The following PCBD2 variants were observed in gnomAD, a reference collection of about 807,000 sequenced individuals.
PCBD2 encodes pterin-4 alpha-carbinolamine dehydratase 2.
A neutral mutation model predicts 16.4 loss-of-function variants in PCBD2; 12 were observed. The ratio of observed to expected loss-of-function variants is 0.73; its 90% confidence interval spans 0.47 to 1.19. The LOEUF is 1.19. Among genes scored for constraint, PCBD2 ranks in the 50% most tolerant of loss-of-function variants. The probability of loss-of-function intolerance (pLI) is 0.00; values close to 1 mark genes in which losing one functional copy is unlikely to be tolerated. For missense variants in PCBD2, 138 were observed against 156.8 expected (o/e 0.88, Z 0.64); for synonymous variants, 58 against 61.8 (o/e 0.94, Z 0.29).
intron 2 of PCBD2, among the ~76,000 whole-genome samples, chr5:134,922,867 G>A (rs941074855): frequency 2.0e-5 from 3 of 151,854 alleles, no homozygotes; most frequent in Non-Finnish European, 2.9e-5. Flanking sequence ...TAGTAGACAC[G>A]GGGTTTCACC....
At chr5:134,951,581 T>C (rs1012548612) in intron 2 of PCBD2, among the ~76,000 whole-genome samples, 1 of 152,226 alleles carries the variant, frequency 6.6e-6, no homozygotes, top group Non-Finnish European at 1.5e-5. Context: ...TAATGTCAGA[T>C]TGCCTTCCAT....
intron 1 of PCBD2, among the ~76,000 whole-genome samples, chr5:134,909,562 C>T (rs968611343): frequency 2.6e-5 from 4 of 152,212 alleles, no homozygotes; most frequent in African/African-American, 4.8e-5. Flanking sequence ...CTGCCTCAAA[C>T]GTCACAGTTC....
intron 2 of PCBD2, among the ~76,000 whole-genome samples, chr5:134,947,450 G>T (rs1751309163): frequency 7.3e-6 from 1 of 136,518 alleles, no homozygotes. Flanking sequence ...CTGGAGTGCA[G>T]TGGCGCAGTC....
chr5:134,923,660 G>A (rs993596376), intron 2 of PCBD2: 1 of 375,846 alleles, frequency 2.7e-6, no homozygotes, highest in Non-Finnish European at 4.7e-6. Flanking sequence ...GGAGGACATA[G>A]CCCATGAAGG....
intron 2 of PCBD2, chr5:134,927,403 G>T: frequency 2.5e-6 from 1 of 398,332 alleles, no homozygotes; most frequent in South Asian, 1.3e-4. Flanking sequence ...CATAGGTGGA[G>T]ACCGTAAAGA....
chr5:134,932,504 G>C (rs1280300353), intron 2 of PCBD2, among the ~76,000 whole-genome samples: 2 of 152,070 alleles, frequency 1.3e-5, no homozygotes, highest in Non-Finnish European at 2.9e-5. Context: ...ACCACGCTCA[G>C]CTAATTTTTG....
chr5:134,962,518 G>T lies in PCBD2; in HGVS notation c.*1837G>T, dbSNP rs1175078957. Among the ~76,000 whole-genome samples, 1 of 152,150 alleles carries T rather than the reference G, an allele frequency of 6.6e-6. No homozygotes were observed. Among genetic ancestry groups the T allele is most frequent in the Admixed American group, 6.5e-5 (1 of 15,284 alleles). ...TCTTCCTGCCTTGACCCCCCAAAGTGCTGGGATTACAGGCGTGAGCCACTG... is the reference window on the plus strand; with the variant it reads ...TCTTCCTGCCTTGACCCCCCAAAGTTCTGGGATTACAGGCGTGAGCCACTG... On this transcript the variant is annotated 3_prime_UTR_variant, in exon 4 of 4. Transcript: ENST00000254908.
intron 1 of PCBD2, among the ~76,000 whole-genome samples, chr5:134,906,119 C>G (rs978043279): frequency 2.6e-5 from 4 of 151,834 alleles, no homozygotes; most frequent in Non-Finnish European, 5.9e-5. Flanking sequence ...GGTGATCTAC[C>G]TGCCTCGGCC....
At chr5:134,925,127 CGTTAAT>C in intron 2 of PCBD2, 1 of 397,478 alleles carries the variant, frequency 2.5e-6, no homozygotes, top group Non-Finnish European at 4.4e-6. Flanking sequence ...GGGTTGTTTT[CGTTAAT>C]GTTAGTGAGG....
At chr5:134,951,865 T>C (rs1012644819) in intron 2 of PCBD2, among the ~76,000 whole-genome samples, 3 of 152,186 alleles carry the variant, frequency 2.0e-5, no homozygotes, top group Non-Finnish European at 4.4e-5. Context: ...GCTAAGGAAG[T>C]ATATACTGCA....
intron 2 of PCBD2, among the ~76,000 whole-genome samples, chr5:134,935,396 C>T (rs1262718311): frequency 2.6e-5 from 4 of 152,182 alleles, no homozygotes; most frequent in Admixed American, 2.6e-4. Flanking sequence ...CTCCTTTATT[C>T]CCCATTATCC....
intron 2 of PCBD2, among the ~76,000 whole-genome samples, chr5:134,945,745 T>C (rs1206129802): frequency 6.6e-6 from 1 of 152,212 alleles, no homozygotes; most frequent in Non-Finnish European, 1.5e-5. Flanking sequence ...TTCCAGCAAA[T>C]TGGAACCGCT....
chr5:134,915,603 A>G (rs1026805894), intron 2 of PCBD2, among the ~76,000 whole-genome samples: 2 of 151,496 alleles, frequency 1.3e-5, no homozygotes, highest in African/African-American at 4.9e-5. Context: ...GTGTGCCACC[A>G]TGCCTGGCTA....
At chr5:134,913,335 C>T (rs1052259246) in intron 2 of PCBD2, among the ~76,000 whole-genome samples, 1 of 152,118 alleles carries the variant, frequency 6.6e-6, no homozygotes, top group Non-Finnish European at 1.5e-5. Context: ...GGAAAGTCCT[C>T]TCTGGGGAGG....
intron 2 of PCBD2, among the ~76,000 whole-genome samples, chr5:134,930,037 T>C (rs1289264260): frequency 6.6e-6 from 1 of 152,196 alleles, no homozygotes; most frequent in African/African-American, 2.4e-5. Context: ...AGCTTTGATA[T>C]AGGGCCTATC....
intron 2 of PCBD2, among the ~76,000 whole-genome samples, chr5:134,930,269 C>A (rs771305188): frequency 6.6e-6 from 1 of 151,970 alleles, no homozygotes; most frequent in Non-Finnish European, 1.5e-5. Context: ...TAGTACCTAG[C>A]CCAGGGTTAC....
chr5:134,909,201 T>A (rs138373058), intron 1 of PCBD2, among the ~76,000 whole-genome samples: 96 of 152,362 alleles, frequency 6.3e-4, no homozygotes, highest in African/African-American at 2.2e-3. Context: ...GGCCAGACAG[T>A]GCACACAAGT....
rs543482434 is a variant in PCBD2, at chr5:134,906,883, C to G, written c.84+1660C>G. Among the ~76,000 whole-genome samples the G allele has an allele frequency of 5.3e-4, 80 of 152,334 alleles. 2 individuals are homozygous for G. The South Asian group carries it at 0.011, about 22-fold the overall frequency. On this transcript the variant is annotated intron_variant, in intron 1 of 3. Coordinates refer to ENST00000254908, the MANE Select transcript of PCBD2 (RefSeq NM_032151.5). ...TACTCTCTTCAAATCCTAGCCTACCCCCCATCCCCTGAAAAAATTAAGCCC... is the reference window on the plus strand; with the variant it reads ...TACTCTCTTCAAATCCTAGCCTACCGCCCATCCCCTGAAAAAATTAAGCCC...
Position 134,960,587 on chromosome 5 carries a change from T to C in PCBD2, c.299T>C (p.Val100Ala). The change falls in exon 4 of 4, where the codon GTC becomes GCC. Residue 100 changes from valine to alanine, a missense_variant and splice_region_variant. Coordinates refer to ENST00000254908, the MANE Select transcript of PCBD2 (RefSeq NM_032151.5). ...AAAAACTGCTTTTCTTTTTCTTAGG[T>C]CCAGATAACTCTCACCTCACATGAC... ...HPEWFNVYNKVQITLTSHDCG... is the reference protein window; with the variant it reads ...HPEWFNVYNKAQITLTSHDCG... The C allele has an allele frequency of 3.1e-6, 5 of 1,600,886 alleles. No individual in the cohort carries two copies. The highest frequency in any genetic ancestry group is 4.3e-6 in the Non-Finnish European group (5 of 1,171,944).
Sources: allele counts gnomAD v4.1 joint callset (sites outside exome capture counted in the v4.1 genomes callset), GRCh38; gene constraint gnomAD v4.1.1; transcripts MANE v1.5; gene names NCBI Gene and HGNC (gene_info 2026-07-23, HGNC 2026-07-21).